The following TTLL1 variants were observed in gnomAD, a reference collection of about 807,000 sequenced individuals.
TTLL1 encodes the protein TTL family tubulin polyglutamylase complex subunit L1.
Under a neutral mutation model 47.8 loss-of-function variants are expected in TTLL1, and 33 were observed. That is an observed-to-expected ratio of 0.69 (90% confidence interval 0.52 to 0.92). The LOEUF is 0.92. Among genes scored for constraint, TTLL1 ranks in the 40% least tolerant of loss-of-function variants. TTLL1 has a pLI of 0.00. For missense variants in TTLL1, 488 were observed against 547.5 expected (o/e 0.89, Z 1.08); for synonymous variants, 225 against 214.1 (o/e 1.05, Z -0.45).
chr22:43,050,428 AAAAAG>A (rs200678944), intron 9 of TTLL1, among the ~76,000 whole-genome samples: 15,562 of 150,940 alleles, frequency 0.1, 1,455 homozygotes, highest in East Asian at 0.3. Context: ...AAACAAAAAA[AAAAAG>A]AAAAGAAAAG....
intron 9 of TTLL1, among the ~76,000 whole-genome samples, chr22:43,047,448 T>C (rs1177061382): frequency 6.6e-6 from 1 of 151,934 alleles, no homozygotes; most frequent in Non-Finnish European, 1.5e-5. Flanking sequence ...CTGTGGAGAG[T>C]CCCACAGGCC....
At chr22:43,052,101 G>T in intron 8 of TTLL1, 1 of 567,618 alleles carries the variant, frequency 1.8e-6, no homozygotes, top group South Asian at 1.9e-5. Flanking sequence ...GGGAATTGAT[G>T]AAGCCGTAAT....
intron 8 of TTLL1, among the ~76,000 whole-genome samples, chr22:43,053,395 T>C (rs1926780608): frequency 6.6e-6 from 1 of 152,184 alleles, no homozygotes; most frequent in Admixed American, 6.5e-5. Context: ...GGAATTACAT[T>C]TAAACTAAAA....
At chr22:43,086,094 A>G (rs1027336829) in intron 1 of TTLL1, among the ~76,000 whole-genome samples, 4 of 151,644 alleles carry the variant, frequency 2.6e-5, no homozygotes, top group African/African-American at 9.7e-5. Flanking sequence ...GTAAATAAAT[A>G]CCTGATATCA....
At chr22:43,052,545 G>T (rs1415059972) in intron 8 of TTLL1, among the ~76,000 whole-genome samples, 1 of 151,858 alleles carries the variant, frequency 6.6e-6, no homozygotes, top group Non-Finnish European at 1.5e-5. Context: ...TTTGAGACCA[G>T]CCTGAGCAAC....
At chr22:43,078,688 A>G (rs1304166757) in intron 2 of TTLL1, among the ~76,000 whole-genome samples, 1 of 152,024 alleles carries the variant, frequency 6.6e-6, no homozygotes, top group Admixed American at 6.6e-5. Flanking sequence ...TCACAGGGTC[A>G]ATGAGCAATA....
chr22:43,086,933 T>C (rs1929263468), intron 1 of TTLL1, among the ~76,000 whole-genome samples: 1 of 152,212 alleles, frequency 6.6e-6, no homozygotes, highest in Non-Finnish European at 1.5e-5. Context: ...ATGAAGCTAG[T>C]GGTCCTCCAT....
chr22:43,087,032 G>C (rs1929268687), intron 1 of TTLL1, among the ~76,000 whole-genome samples: 1 of 152,090 alleles, frequency 6.6e-6, no homozygotes, highest in African/African-American at 2.4e-5. Flanking sequence ...CCTTCTTTCA[G>C]CTCCTGACAC....
At chr22:43,073,464 T>C (rs1928270101) in intron 3 of TTLL1, among the ~76,000 whole-genome samples, 1 of 151,730 alleles carries the variant, frequency 6.6e-6, no homozygotes, top group Non-Finnish European at 1.5e-5. Context: ...TGAGGCCATT[T>C]GCCTGCCTCA....
chr22:43,079,434 G>C (rs939259494), intron 2 of TTLL1, among the ~76,000 whole-genome samples: 1 of 151,874 alleles, frequency 6.6e-6, no homozygotes, highest in East Asian at 1.9e-4. Context: ...CCTCACACCC[G>C]CAGACACGGG....
intron 3 of TTLL1, among the ~76,000 whole-genome samples, chr22:43,071,472 C>A (rs150989122): frequency 6.6e-6 from 1 of 152,014 alleles, no homozygotes; most frequent in Non-Finnish European, 1.5e-5. Context: ...TGCAGTGGCA[C>A]GATCTTGGCT....
chr22:43,040,180 G>A, intron 10 of TTLL1: 1 of 326,330 alleles, frequency 3.1e-6, no homozygotes, highest in Non-Finnish European at 5.7e-6. Flanking sequence ...CCCCTCGGAA[G>A]CTGACATTTT....
At chr22:43,064,777 T>C (rs2146976285) in intron 5 of TTLL1, among the ~76,000 whole-genome samples, 1 of 151,912 alleles carries the variant, frequency 6.6e-6, no homozygotes, top group African/African-American at 2.4e-5. Flanking sequence ...AGATCTGTGG[T>C]TGCCACAGAC....
intron 5 of TTLL1, among the ~76,000 whole-genome samples, chr22:43,066,593 G>GT (rs1927752009): frequency 6.6e-6 from 1 of 151,790 alleles, no homozygotes; most frequent in Non-Finnish European, 1.5e-5. Flanking sequence ...GTGGTCGTGT[G>GT]TACCTATAGT....
intron 5 of TTLL1, among the ~76,000 whole-genome samples, chr22:43,066,741 G>A (rs2146978150): frequency 6.6e-6 from 1 of 151,674 alleles, no homozygotes; most frequent in Admixed American, 6.6e-5. Context: ...TGTAATACTA[G>A]CACTTTGGGA....
At chr22:43,068,650 A>G in intron 4 of TTLL1, 60 bp from the exon 5 acceptor site, 4 of 1,364,122 alleles carry the variant, frequency 2.9e-6, no homozygotes, top group Non-Finnish European at 3.8e-6. Context: ...CCATGAACAG[A>G]AAGATCTTGC....
At chr22:43,049,797 A>G (rs1297485980) in intron 9 of TTLL1, among the ~76,000 whole-genome samples, 2 of 151,728 alleles carry the variant, frequency 1.3e-5, no homozygotes, top group African/African-American at 2.4e-5. Flanking sequence ...AAAAGAAAAA[A>G]AAAAAAGAAT....
chr22:43,044,609 C>T (rs760791700), intron 10 of TTLL1, among the ~76,000 whole-genome samples: 3 of 152,178 alleles, frequency 2.0e-5, no homozygotes, highest in Non-Finnish European at 4.4e-5. Context: ...ACCTACTCCT[C>T]CGCCTTTTAC....
At chr22:43,059,645 C>T in intron 7 of TTLL1, 118 bp from the exon 8 acceptor site, 2 of 1,304,666 alleles carry the variant, frequency 1.5e-6, no homozygotes, top group South Asian at 3.1e-5. Context: ...CATCCAGCAA[C>T]AAGGCAAACA....
Sources: gnomAD v4.1 joint callset for allele counts (sites outside exome capture counted in the v4.1 genomes callset) on GRCh38, gnomAD v4.1.1 for gene constraint, MANE v1.5 for transcripts, NCBI Gene and HGNC (gene_info 2026-07-23, HGNC 2026-07-21) for gene names.